Variants in SLIT1 observed in about 807,000 individuals in gnomAD.
SLIT1 encodes slit guidance ligand 1.
SLIT1 carries 66 observed loss-of-function variants against 186.1 expected under a neutral mutation model. The ratio of observed to expected loss-of-function variants is 0.35; its 90% confidence interval spans 0.29 to 0.44. SLIT1 has a LOEUF of 0.44. Among genes scored for constraint, SLIT1 ranks in the 20% least tolerant of loss-of-function variants. SLIT1 has a pLI of 1.00. For missense variants in SLIT1, 1,638 were observed against 2,037.4 expected (o/e 0.80, Z 3.77); for synonymous variants, 761 against 833.8 (o/e 0.91, Z 1.50).
chr10:97,073,633 G>A (rs1432951911), intron 4 of SLIT1, among the ~76,000 whole-genome samples: 7 of 152,190 alleles, frequency 4.6e-5, no homozygotes, highest in Non-Finnish European at 2.9e-5. Flanking sequence ...CCAGACTTCT[G>A]ACAAGCACCT....
At chr10:97,047,451 C>A (rs1284115639) in intron 16 of SLIT1, among the ~76,000 whole-genome samples, 2 of 152,224 alleles carry the variant, frequency 1.3e-5, no homozygotes, top group African/African-American at 4.8e-5. Context: ...GGCTGGTGAC[C>A]TGCCCTGAGT....
At chr10:97,108,886 C>CAAAAAAAA (rs11355026) in intron 4 of SLIT1, among the ~76,000 whole-genome samples, 1 of 46,770 alleles carries the variant, frequency 2.1e-5, no homozygotes, top group Non-Finnish European at 3.6e-5. Context: ...GTCTCAGTCT[C>CAAAAAAAA]AAAAAAAAAA....
chr10:97,179,605 C>T (rs1282052541), intron 1 of SLIT1, among the ~76,000 whole-genome samples: 1 of 152,214 alleles, frequency 6.6e-6, no homozygotes, highest in Non-Finnish European at 1.5e-5. Context: ...AGCCACTGTG[C>T]TCCTCGTCTC....
chr10:97,142,692 G>A (rs1849778492), intron 4 of SLIT1, among the ~76,000 whole-genome samples: 1 of 152,058 alleles, frequency 6.6e-6, no homozygotes, highest in Non-Finnish European at 1.5e-5. Context: ...CTTATGGAAT[G>A]GAATAAAATA....
intron 4 of SLIT1, among the ~76,000 whole-genome samples, chr10:97,067,694 T>A (rs1346861133): frequency 6.6e-6 from 1 of 152,134 alleles, no homozygotes; most frequent in East Asian, 1.9e-4. Flanking sequence ...ACTGACCTGG[T>A]TGGACCCGGG....
intron 3 of SLIT1, among the ~76,000 whole-genome samples, chr10:97,160,205 G>C (rs1411807332): frequency 6.6e-6 from 1 of 152,154 alleles, no homozygotes; most frequent in East Asian, 1.9e-4. Context: ...ATCTACTCTG[G>C]AGTTTATAAC....
chr10:97,040,114 T>A lies in SLIT1; in HGVS notation c.2171A>T (p.Glu724Val). 1 of 1,573,654 alleles carries A rather than the reference T, an allele frequency of 6.4e-7. No individual in the cohort carries two copies. Among genetic ancestry groups the A allele is most frequent in the Non-Finnish European group, 8.6e-7 (1 of 1,160,874 alleles). Residue 724 changes from glutamate to valine, a missense_variant, in exon 21 of 37, where the codon GAG (glutamate) becomes GTG (valine). Transcript: ENST00000266058. ...TGGGCGGGGCAGGCAGCCCCCCTCC[T>A]CCTGGCCTAGGGAAGAAGGCACGAA... ...FPDFRCEEGQEEGGCLPRPQC... is the reference protein window; with the variant it reads ...FPDFRCEEGQVEGGCLPRPQC...
intron 26 of SLIT1, among the ~76,000 whole-genome samples, chr10:97,019,471 C>A (rs1477273080): frequency 6.6e-6 from 1 of 152,180 alleles, no homozygotes; most frequent in African/African-American, 2.4e-5. Flanking sequence ...CTTCCTCTTT[C>A]CCCTCATGCC....
At chr10:97,036,448 A>C (rs1385793440) in intron 22 of SLIT1, among the ~76,000 whole-genome samples, 1 of 152,248 alleles carries the variant, frequency 6.6e-6, no homozygotes, top group Non-Finnish European at 1.5e-5. Context: ...AAATTCTGTA[A>C]GCCAGAGCCG....
At chr10:97,154,591 C>CT (rs1298350929) in intron 4 of SLIT1, 2 of 152,122 alleles carry the variant, frequency 1.3e-5, no homozygotes, top group African/African-American at 4.8e-5. Flanking sequence ...CTAGAAACAC[C>CT]CCCCCAAAGG....
At chr10:97,152,244 CCTAAGCCCCTCGAGAAAAAAAAACA>C (rs1297176386) in intron 4 of SLIT1, among the ~76,000 whole-genome samples, 1 of 152,118 alleles carries the variant, frequency 6.6e-6, no homozygotes, top group African/African-American at 2.4e-5. Flanking sequence ...TGCAGGGTCA[CCTAAGCCCCTCGAGAAAAAAAAACA>C]AAACCCTGTT....
intron 1 of SLIT1, among the ~76,000 whole-genome samples, chr10:97,180,320 C>T (rs1264039423): frequency 6.6e-6 from 1 of 152,262 alleles, no homozygotes; most frequent in Non-Finnish European, 1.5e-5. Context: ...GCATTTAATC[C>T]TCATGACCAC....
At chr10:97,035,168 G>A (rs927214413) in intron 22 of SLIT1, among the ~76,000 whole-genome samples, 7 of 152,064 alleles carry the variant, frequency 4.6e-5, no homozygotes, top group South Asian at 2.1e-4. Context: ...CTCCGCTCCC[G>A]ACTGTCTTTG....
chr10:97,021,154 G>T lies in SLIT1; in HGVS notation c.2746+96C>A. ...CCTGTCCCCTGACCCCCCGCCCAGC[G>T]GTCACCACAGGGACGCAGGCATGTT... On this transcript the variant is annotated intron_variant, in intron 26 of 36. Coordinates refer to ENST00000266058, the MANE Select transcript of SLIT1 (RefSeq NM_003061.3). This position sits in a 1 kb window ranked among gnomAD's most constrained non-coding sequence, Gnocchi z 4.5. 1 of 1,247,128 alleles carries T rather than the reference G, an allele frequency of 8.0e-7. No individual in the cohort carries two copies. The highest frequency in any genetic ancestry group is 2.4e-5 in the Admixed American group (1 of 41,186). The allele number at this position is 1,247,128 out of a possible 1,614,324, so 77.3% of individuals were successfully genotyped here.
rs760789873 is a variant in SLIT1 at position 97,060,728 on chromosome 10, T to C, written c.853A>G (p.Met285Val). 1.9e-6 allele frequency: 3 copies of C among 1,613,696 alleles called. No individual in the cohort carries two copies. Among genetic ancestry groups the C allele is most frequent in the Admixed American group, 1.7e-5 (1 of 60,002 alleles). The change falls in exon 9 of 37, where the codon ATG becomes GTG. Residue 285 changes from methionine (M) to valine (V), a missense_variant. Transcript: ENST00000266058. ...CTLSSGSCPA[M>V]CTCSNGIVDC... The stretch of plus-strand genomic sequence containing the variant: ...ACGATGCCATTGCTGCAGGTGCACA[T>C]GGCCGGGCAGGAGCCGGAGGACAGG...
At position 97,164,990 on chromosome 10, in the gene SLIT1, C is replaced by T. The variant is rs1850084810; in HGVS notation, c.198-100G>A. On this transcript the variant is annotated intron_variant, in intron 1 of 36. Transcript: ENST00000266058. ...GCCCTCCCCGCCTGGATCAGCCAGT[C>T]GTCTCATCAGCGGGGCTGGGGGCTT... 7 of 880,874 alleles carry T rather than the reference C, an allele frequency of 7.9e-6. No homozygotes were observed. In the East Asian group the frequency reaches 1.2e-4, roughly 16 times the overall value. The allele number at this position is 880,874 out of a possible 1,614,324, so 54.6% of individuals were successfully genotyped here.
intron 4 of SLIT1, among the ~76,000 whole-genome samples, chr10:97,112,372 C>T (rs535135288): frequency 1.3e-5 from 2 of 152,342 alleles, no homozygotes; most frequent in East Asian, 3.9e-4. Flanking sequence ...CTGAGCTCCC[C>T]TTTCCGCATC....
intron 26 of SLIT1, among the ~76,000 whole-genome samples, chr10:97,020,766 A>G (rs1355239132): frequency 1.3e-5 from 2 of 152,266 alleles, no homozygotes; most frequent in Non-Finnish European, 2.9e-5. Context: ...TCAATCCCTG[A>G]ATGAGTATTT....
chr10:97,024,330 C>T (rs576945423), intron 25 of SLIT1, among the ~76,000 whole-genome samples: 3 of 152,124 alleles, frequency 2.0e-5, no homozygotes, highest in Non-Finnish European at 2.9e-5. Flanking sequence ...GCAGCTGCCC[C>T]GTGCCTGGGC....
Sources: allele counts gnomAD v4.1 joint callset (sites outside exome capture counted in the v4.1 genomes callset), GRCh38; gene constraint gnomAD v4.1.1; non-coding constraint Gnocchi (gnomAD v3.1); transcripts MANE v1.5; gene names NCBI Gene and HGNC (gene_info 2026-07-23, HGNC 2026-07-21).